The following TLK2 variants were observed in gnomAD, a reference collection of about 807,000 sequenced individuals.
TLK2 encodes the protein tousled like kinase 2.
A neutral mutation model predicts 117.3 loss-of-function variants in TLK2; 6 were observed. The observed-to-expected ratio is 0.05, with a 90% CI of 0.03 to 0.10. The LOEUF (loss-of-function observed/expected upper bound fraction) is 0.10, where lower values mean the gene tolerates loss of function less well. Ranked by LOEUF, TLK2 falls within the 10% of genes least tolerant of loss-of-function variation. The pLI is 1.00. For synonymous variants in TLK2, 257 were observed against 316.7 expected (o/e 0.81, Z 2.00); for missense variants, 299 against 901.2 (o/e 0.33, Z 8.56).
chr17:62,472,350 G>C (rs994784474), intron 1 of TLK2, among the ~76,000 whole-genome samples: 3 of 152,128 alleles, frequency 2.0e-5, no homozygotes. Context: ...GGAGCTCCTG[G>C]CAGTGCCTCC....
chr17:62,503,052 C>CTTTTTTTT (rs535547546), intron 2 of TLK2, among the ~76,000 whole-genome samples: 1 of 87,128 alleles, frequency 1.1e-5, no homozygotes. Context: ...TTTGGCTTAA[C>CTTTTTTTT]TTTTTTTTTT....
chr17:62,543,100 T>G (rs1211919363), intron 7 of TLK2, among the ~76,000 whole-genome samples: 1 of 152,234 alleles, frequency 6.6e-6, no homozygotes. Flanking sequence ...CTTTTAAATT[T>G]TTTTTTAACT....
At chr17:62,481,680 T>G (rs1438084577) in intron 2 of TLK2, among the ~76,000 whole-genome samples, 1 of 152,154 alleles carries the variant, frequency 6.6e-6, no homozygotes, top group Non-Finnish European at 1.5e-5. Context: ...TCATTCTTCC[T>G]TCTTAGTTTT....
At chr17:62,536,083 T>C in intron 6 of TLK2, 87 bp from the exon 7 acceptor site, 1 of 1,454,648 alleles carries the variant, frequency 6.9e-7, no homozygotes, top group African/African-American at 1.4e-5. Flanking sequence ...ATCTTATATT[T>C]GATAACTGTT....
chr17:62,475,883 G>A (rs1315923053), upstream of TLK2, among the ~76,000 whole-genome samples: 2 of 143,718 alleles, frequency 1.4e-5, no homozygotes, highest in Non-Finnish European at 3.0e-5. Context: ...GGATGGTCTC[G>A]ACCTCCTGAC....
upstream of TLK2, among the ~76,000 whole-genome samples, chr17:62,474,561 C>G (rs921617720): frequency 3.3e-5 from 5 of 151,448 alleles, no homozygotes; most frequent in African/African-American, 1.2e-4. Flanking sequence ...AGGTGCCAGC[C>G]ACCACACCCG....
intron 7 of TLK2, among the ~76,000 whole-genome samples, chr17:62,547,336 ATT>A (rs200732176): frequency 7.3e-6 from 1 of 137,676 alleles, no homozygotes; most frequent in Non-Finnish European, 1.6e-5. Flanking sequence ...GTTGGCATGG[ATT>A]TTTTTTTTTT....
intron 6 of TLK2, among the ~76,000 whole-genome samples, chr17:62,533,298 G>A (rs182766852): frequency 6.6e-6 from 1 of 151,472 alleles, no homozygotes; most frequent in African/African-American, 2.4e-5. Flanking sequence ...ATTTATCAGT[G>A]TTTTTCCTTT....
intron 7 of TLK2, among the ~76,000 whole-genome samples, chr17:62,549,503 G>T (rs1277897749): frequency 6.8e-6 from 1 of 147,410 alleles, no homozygotes; most frequent in Non-Finnish European, 1.5e-5. Context: ...GAAATCTTCA[G>T]TTATACAAAT....
chr17:62,593,675 A>G (rs1179199229), intron 16 of TLK2, among the ~76,000 whole-genome samples: 4 of 151,776 alleles, frequency 2.6e-5, no homozygotes, highest in Admixed American at 2.6e-4. Flanking sequence ...AACATGCATG[A>G]AGCTTTCACC....
chr17:62,609,301 C>G (rs936251429), intron 21 of TLK2, among the ~76,000 whole-genome samples: 5 of 152,134 alleles, frequency 3.3e-5, no homozygotes, highest in African/African-American at 1.2e-4. Context: ...CCAGGCTGAT[C>G]TCGAACTCCT....
rs1010991419 is a variant in TLK2, at chr17:62,555,756, C to T, written c.720+2001C>T. ...CCTCCCAAAGTGCTGGGATTACAGG[C>T]GTGAGCCACCGCGCCCGGCTATTAT... On this transcript the variant is annotated intron_variant, in intron 9 of 21. Transcript: ENST00000346027. Among the ~76,000 whole-genome samples the T allele has an allele frequency of 7.9e-5, 12 of 151,802 alleles. 1 individual carries two copies. Among genetic ancestry groups the T allele is most frequent in the Admixed American group, 5.9e-4 (9 of 15,234 alleles).
intron 15 of TLK2, among the ~76,000 whole-genome samples, chr17:62,580,547 TCAAA>T (rs1239374055): frequency 6.6e-6 from 1 of 152,250 alleles, no homozygotes; most frequent in Non-Finnish European, 1.5e-5. Context: ...AATAGATGTG[TCAAA>T]CCTGTTTCCA....
intron 7 of TLK2, among the ~76,000 whole-genome samples, chr17:62,546,912 A>G: frequency 6.6e-6 from 1 of 152,120 alleles, no homozygotes; most frequent in East Asian, 1.9e-4. Flanking sequence ...CTGTGTATTC[A>G]GCTGTGTCCA....
rs566049910 is a variant in TLK2 at position 62,577,873 on chromosome 17, CCG to C, written c.1189-603_1189-602del. Among the ~76,000 whole-genome samples, 920 of 152,040 alleles carry C rather than the reference CCG, an allele frequency of 6.1e-3. 9 individuals carry two copies. Among genetic ancestry groups the C allele is most frequent in the African/African-American group, 0.019 (806 of 41,464 alleles). ...CCAGCCTGCCCAGCATGGTGAAACCCCGACTCTACTAAAAATACAAAAAATTA... is the reference window on the plus strand; with the variant it reads ...CCAGCCTGCCCAGCATGGTGAAACCCACTCTACTAAAAATACAAAAAATTA... On this transcript the variant is annotated intron_variant, in intron 13 of 21. Coordinates refer to ENST00000346027, the MANE Select transcript of TLK2 (RefSeq NM_006852.6).
At chr17:62,487,618 A>ATGTT (rs1438330069) in intron 2 of TLK2, among the ~76,000 whole-genome samples, 1 of 97,256 alleles carries the variant, frequency 1.0e-5, no homozygotes, top group Non-Finnish European at 2.0e-5. Context: ...CTTGGCAAGT[A>ATGTT]TCTTTTTTTT....
chr17:62,565,771 T>TTATA (rs1468495007), intron 11 of TLK2, among the ~76,000 whole-genome samples: 3 of 152,180 alleles, frequency 2.0e-5, no homozygotes, highest in Non-Finnish European at 2.9e-5. Context: ...ATAATGAATT[T>TTATA]TCATTAAGAG....
chr17:62,476,520 T>C (rs969849766), upstream of TLK2, among the ~76,000 whole-genome samples: 1 of 150,926 alleles, frequency 6.6e-6, no homozygotes, highest in African/African-American at 2.4e-5. Flanking sequence ...GAGAAAGAGG[T>C]TGCAGCAAGC....
At chr17:62,545,873 T>TTTTG (rs71155937) in intron 7 of TLK2, among the ~76,000 whole-genome samples, 49,642 of 150,296 alleles carry the variant, frequency 0.33, 8,360 homozygotes, top group Admixed American at 0.39. Flanking sequence ...CCGGCTGATT[T>TTTTG]TTTGTTTGTT....
Sources: gnomAD v4.1 joint callset for allele counts (sites outside exome capture counted in the v4.1 genomes callset) on GRCh38, gnomAD v4.1.1 for gene constraint, MANE v1.5 for transcripts, NCBI Gene and HGNC (gene_info 2026-07-23, HGNC 2026-07-21) for gene names.